ZNF385D: variants seen among roughly 807,000 people sequenced by gnomAD.
ZNF385D encodes the protein zinc finger protein 659.
A neutral mutation model predicts 35.8 loss-of-function variants in ZNF385D; 15 were observed. The observed-to-expected ratio is 0.42, with a 90% CI of 0.28 to 0.64. The LOEUF is 0.64. Among genes scored for constraint, ZNF385D ranks in the 30% least tolerant of loss-of-function variants. ZNF385D has a pLI of 0.23. For missense variants in ZNF385D, 474 were observed against 494.6 expected (o/e 0.96, Z 0.39); for synonymous variants, 212 against 186.8 (o/e 1.13, Z -1.10).
At chr3:21,513,673 G>A (rs1400873490) in intron 3 of ZNF385D, among the ~76,000 whole-genome samples, 1 of 152,088 alleles carries the variant, frequency 6.6e-6, no homozygotes, top group Non-Finnish European at 1.5e-5. Context: ...CAGGGTATGT[G>A]TGTTGGGGTG....
At chr3:22,101,630 C>G (rs893262503) in intron 3 of ZNF385D, among the ~76,000 whole-genome samples, 2 of 151,976 alleles carry the variant, frequency 1.3e-5, no homozygotes, top group South Asian at 4.1e-4. Flanking sequence ...TTTAATTTCG[C>G]CAACTATAGC....
At chr3:21,908,130 C>CTTTCTCTCTA (rs1699781704) in intron 3 of ZNF385D, among the ~76,000 whole-genome samples, 1 of 139,162 alleles carries the variant, frequency 7.2e-6, no homozygotes, top group South Asian at 2.3e-4. Flanking sequence ...ATCTATCTAT[C>CTTTCTCTCTA]TATCTATCTA....
rs899205699 is a variant in ZNF385D, at chr3:22,205,216, G to C, written c.107-36181C>G. On this transcript the variant is annotated intron_variant, in intron 2 of 5. Coordinates refer to the ZNF385D transcript ENST00000494108. ...AGGCCAGAAGAGAGTGACATGACAG[G>C]TTTAAAATGCCGAAGGAAAAAATAT... 2.0e-5 allele frequency among the ~76,000 whole-genome samples: 3 copies of C among 150,376 alleles called. No homozygotes were observed. In the East Asian group the frequency reaches 5.8e-4, roughly 29 times the overall value.
intron 3 of ZNF385D, among the ~76,000 whole-genome samples, chr3:21,961,020 G>A (rs1252753655): frequency 1.3e-5 from 2 of 151,916 alleles, no homozygotes; most frequent in Non-Finnish European, 2.9e-5. Flanking sequence ...AGGTTGATAT[G>A]GTTAACTATA....
At chr3:21,949,888 A>G (rs1701979106) in intron 3 of ZNF385D, among the ~76,000 whole-genome samples, 1 of 152,076 alleles carries the variant, frequency 6.6e-6, no homozygotes, top group Non-Finnish European at 1.5e-5. Flanking sequence ...ACATGAACTC[A>G]TCCTTTTTTA....
chr3:22,151,936 G>A (rs1381195079), intron 3 of ZNF385D, among the ~76,000 whole-genome samples: 2 of 152,084 alleles, frequency 1.3e-5, no homozygotes, highest in Non-Finnish European at 2.9e-5. Context: ...TCTTGTACAG[G>A]TTATTTAATC....
chr3:22,357,142 G>A (rs944278508), intron 2 of ZNF385D, among the ~76,000 whole-genome samples: 1 of 151,886 alleles, frequency 6.6e-6, no homozygotes, highest in Non-Finnish European at 1.5e-5. Flanking sequence ...ACACAATGAA[G>A]CTTTCGGATG....
At chr3:21,636,209 C>T (rs188924109) in intron 2 of ZNF385D, among the ~76,000 whole-genome samples, 3 of 151,374 alleles carry the variant, frequency 2.0e-5, no homozygotes, top group East Asian at 3.9e-4. Flanking sequence ...ACCACAACCA[C>T]ACCAACATCA....
At chr3:22,041,598 A>G (rs1336775389) in intron 3 of ZNF385D, among the ~76,000 whole-genome samples, 1 of 152,182 alleles carries the variant, frequency 6.6e-6, no homozygotes, top group Non-Finnish European at 1.5e-5. Context: ...GTATAAACCA[A>G]CTGGGTGATC....
At chr3:21,934,093 T>C (rs1366244925) in intron 3 of ZNF385D, among the ~76,000 whole-genome samples, 3 of 152,078 alleles carry the variant, frequency 2.0e-5, no homozygotes. Context: ...TAAAAGAGAA[T>C]CGAGCATGCT....
At chr3:22,106,042 T>C (rs551234103) in intron 3 of ZNF385D, among the ~76,000 whole-genome samples, 34 of 152,164 alleles carry the variant, frequency 2.2e-4, no homozygotes, top group African/African-American at 8.0e-4. Context: ...ATATGCTTAG[T>C]CATTATTGAT....
chr3:21,636,399 TATATATATATATATA>T (rs1419689439), intron 2 of ZNF385D, among the ~76,000 whole-genome samples: 17 of 40,968 alleles, frequency 4.1e-4, no homozygotes, highest in Admixed American at 1.9e-3. Context: ...TATATATATA[TATATATATATATATA>T]GAGTTTCTTA....
At chr3:22,018,800 C>A (rs182439723) in intron 3 of ZNF385D, among the ~76,000 whole-genome samples, 15 of 152,000 alleles carry the variant, frequency 9.9e-5, no homozygotes, top group African/African-American at 3.6e-4. Context: ...AAAGTCATTT[C>A]ACCTGTGCTT....
At chr3:22,315,344 G>T (rs774775196) in intron 2 of ZNF385D, among the ~76,000 whole-genome samples, 1 of 152,146 alleles carries the variant, frequency 6.6e-6, no homozygotes, top group Non-Finnish European at 1.5e-5. Context: ...ACATGGAGAA[G>T]TTGGTTTATT....
rs1274888644 is a variant in ZNF385D at position 22,286,352 on chromosome 3, C to T, written c.106+86098G>A. Among the ~76,000 whole-genome samples the T allele has an allele frequency of 2.0e-5, 3 of 151,926 alleles. No individual in the cohort carries two copies. In the East Asian group the frequency reaches 5.8e-4, roughly 29 times the overall value. ...TGCTTATCTTTCCAATAAACCAACT[C>T]TTAGTTCAATTAATATTTTATATTG... is the stretch of plus-strand genomic sequence containing the variant. On this transcript the variant is annotated intron_variant, in intron 2 of 5. Coordinates refer to the ZNF385D transcript ENST00000494108.
intron 4 of ZNF385D, among the ~76,000 whole-genome samples, chr3:21,467,567 A>G (rs1420081016): frequency 6.6e-6 from 1 of 152,200 alleles, no homozygotes; most frequent in Non-Finnish European, 1.5e-5. Flanking sequence ...GCTGACTTGA[A>G]TTCACTTCCA....
chr3:21,759,966 G>C (rs948795552), intron 3 of ZNF385D, among the ~76,000 whole-genome samples: 2 of 152,166 alleles, frequency 1.3e-5, no homozygotes, highest in African/African-American at 4.8e-5. Context: ...GTGTTTCCAA[G>C]TGTGCATAAT....
chr3:22,130,955 A>C (rs555543334), intron 3 of ZNF385D, among the ~76,000 whole-genome samples: 23 of 152,268 alleles, frequency 1.5e-4, no homozygotes, highest in African/African-American at 5.5e-4. Flanking sequence ...GCTATAGACT[A>C]TCTGTTTCTG....
At chr3:21,960,902 C>T (rs748905589) in intron 3 of ZNF385D, among the ~76,000 whole-genome samples, 24 of 151,840 alleles carry the variant, frequency 1.6e-4, no homozygotes, top group Non-Finnish European at 2.6e-4. Flanking sequence ...AGAGTAGAAT[C>T]GTGGGTATTA....
Sources: gnomAD v4.1 joint callset for allele counts (sites outside exome capture counted in the v4.1 genomes callset) on GRCh38, gnomAD v4.1.1 for gene constraint, MANE v1.5 for transcripts, NCBI Gene and HGNC (gene_info 2026-07-23, HGNC 2026-07-21) for gene names.